CASQ2: variants seen among roughly 807,000 people sequenced by gnomAD.
CASQ2 encodes calsequestrin-2.
Under a neutral mutation model 46.5 loss-of-function variants are expected in CASQ2, and 49 were observed. That is an observed-to-expected ratio of 1.05 (90% CI 0.84 to 1.34). The LOEUF (loss-of-function observed/expected upper bound fraction) is 1.34, where lower values mean the gene tolerates loss of function less well. CASQ2 is among the 40% of genes most tolerant of loss of function. The probability of loss-of-function intolerance (pLI) is 0.00; values close to 1 mark genes in which losing one functional copy is unlikely to be tolerated. For synonymous variants in CASQ2, 174 were observed against 168.5 expected, an observed-to-expected ratio of 1.03 and a Z score of -0.25; for missense variants, 486 against 481.3, an observed-to-expected ratio of 1.01 and a Z score of -0.09.
chr1:115,749,934 A>G (rs896871282), intron 1 of CASQ2, among the ~76,000 whole-genome samples: 2 of 152,162 alleles, frequency 1.3e-5, no homozygotes, highest in African/African-American at 2.4e-5. Flanking sequence ...GGAACTCAAA[A>G]AGCCCCTCAC....
chr1:115,725,616 A>T, intron 6 of CASQ2, 63 bp from the exon 7 acceptor site: 2 of 1,558,394 alleles, frequency 1.3e-6, no homozygotes, highest in Non-Finnish European at 1.7e-6. Context: ...ACTGTGGCAG[A>T]CACAGCAGCC....
chr1:115,740,022 C>T (rs1046545390), intron 3 of CASQ2, among the ~76,000 whole-genome samples: 27 of 152,112 alleles, frequency 1.8e-4, no homozygotes, highest in Admixed American at 1.3e-4. Flanking sequence ...CACTTCTGAC[C>T]TTCCCTCTGG....
At chr1:115,707,137 C>A (rs1654392005) in intron 8 of CASQ2, among the ~76,000 whole-genome samples, 1 of 152,130 alleles carries the variant, frequency 6.6e-6, no homozygotes, top group African/African-American at 2.4e-5. Flanking sequence ...CTGTGTCAGC[C>A]TCACAAGTAG....
intron 7 of CASQ2, 76 bp downstream of exon 7, chr1:115,725,432 G>GACTT: frequency 2.6e-6 from 4 of 1,537,744 alleles, no homozygotes; most frequent in Non-Finnish European, 3.6e-6. Flanking sequence ...TGAGTTTGGG[G>GACTT]ACTTAATCTA....
intron 8 of CASQ2, among the ~76,000 whole-genome samples, chr1:115,713,642 C>T (rs1216398531): frequency 6.6e-6 from 1 of 152,212 alleles, no homozygotes; most frequent in Non-Finnish European, 1.5e-5. Context: ...CCTGGACAGA[C>T]AGTGGGAGGA....
intron 1 of CASQ2, among the ~76,000 whole-genome samples, chr1:115,750,158 A>G (rs561362721): frequency 4.6e-5 from 7 of 152,348 alleles, no homozygotes; most frequent in Non-Finnish European, 4.4e-5. Context: ...AGGAGTTAGA[A>G]GCACTTGTCA....
At chr1:115,702,788 G>C (rs1654246837) in intron 10 of CASQ2, 133 bp downstream of exon 10, 2 of 738,358 alleles carry the variant, frequency 2.7e-6, no homozygotes, top group Non-Finnish European at 4.7e-6. Flanking sequence ...ACACTGGCAA[G>C]TTTCCTTGAG....
intron 1 of CASQ2, among the ~76,000 whole-genome samples, chr1:115,755,799 G>A (rs918940881): frequency 6.6e-6 from 1 of 152,218 alleles, no homozygotes; most frequent in East Asian, 1.9e-4. Context: ...TATGAGGAGC[G>A]TACTGTGGCT....
In CASQ2 at chr1:115,702,964, A is replaced by G. The variant is rs369403991; in HGVS notation, c.971T>C (p.Ile324Thr). Residue 324 changes from isoleucine to threonine, a missense_variant, in exon 10 of 11, where the codon ATT becomes ACT. Physicochemically the swap from Ile to Thr is moderately conservative, Grantham distance 89. Coordinates refer to ENST00000261448, the MANE Select transcript of CASQ2 (RefSeq NM_001232.4). ...LVAYWEKTFKIDLFRPQIGVV... is the reference protein window; with the variant it reads ...LVAYWEKTFKTDLFRPQIGVV... ...CCCAATCTGTGGCCTGAATAGGTCAATCTTGAAAGTCTTCTCCCAGTAGGC... is the reference window on the plus strand; with the variant it reads ...CCCAATCTGTGGCCTGAATAGGTCAGTCTTGAAAGTCTTCTCCCAGTAGGC... 18 of 1,613,534 alleles carry G rather than the reference A, an allele frequency of 1.1e-5. No individual in the cohort carries two copies. The South Asian group carries it at 1.5e-4, about 14-fold the overall frequency.
intron 2 of CASQ2, 29 bp downstream of exon 2, chr1:115,744,799 A>AC (rs779072361): frequency 6.7e-7 from 1 of 1,482,126 alleles, no homozygotes; most frequent in South Asian, 1.1e-5. Context: ...TTTCTTTCCC[A>AC]CATACAGTAT....
intron 1 of CASQ2, among the ~76,000 whole-genome samples, chr1:115,756,460 T>C (rs1648763319): frequency 6.6e-6 from 1 of 152,184 alleles, no homozygotes; most frequent in Non-Finnish European, 1.5e-5. Context: ...CTGACAATTA[T>C]GCAAAAATAC....
chr1:115,720,276 C>T (rs9428204), intron 7 of CASQ2, among the ~76,000 whole-genome samples: 5,664 of 152,178 alleles, frequency 0.037, 350 homozygotes, highest in African/African-American at 0.13. Context: ...GCGAGGCCTG[C>T]TTTCTGGCTC....
intron 4 of CASQ2, among the ~76,000 whole-genome samples, chr1:115,735,340 T>A (rs967938108): frequency 1.1e-4 from 16 of 152,204 alleles, no homozygotes; most frequent in African/African-American, 2.7e-4. Context: ...GCGCAAGAAT[T>A]TTACAGAGTT....
At chr1:115,730,572 A>G (rs933012055) in intron 5 of CASQ2, among the ~76,000 whole-genome samples, 29 of 152,176 alleles carry the variant, frequency 1.9e-4, no homozygotes, top group African/African-American at 5.6e-4. Flanking sequence ...CTTTTAGAAA[A>G]TAGAACTCAT....
chr1:115,765,361 A>G (rs1649101762), intron 1 of CASQ2, among the ~76,000 whole-genome samples: 1 of 152,096 alleles, frequency 6.6e-6, no homozygotes, highest in African/African-American at 2.4e-5. Flanking sequence ...GGCTTTTTTC[A>G]TTGACATCCC....
chr1:115,760,042 T>C (rs1370314935), intron 1 of CASQ2, among the ~76,000 whole-genome samples: 1 of 152,204 alleles, frequency 6.6e-6, no homozygotes, highest in Admixed American at 6.5e-5. Context: ...TAGTCACTGA[T>C]TGTGTGAGTG....
intron 9 of CASQ2, among the ~76,000 whole-genome samples, chr1:115,704,582 A>G (rs1279285609): frequency 6.6e-6 from 1 of 152,236 alleles, no homozygotes. Flanking sequence ...CCAGGGTTCA[A>G]TACATGTAGT....
intron 8 of CASQ2, among the ~76,000 whole-genome samples, chr1:115,716,249 C>A (rs1654697326): frequency 6.6e-6 from 1 of 152,216 alleles, no homozygotes; most frequent in African/African-American, 2.4e-5. Flanking sequence ...AATTTTCCTG[C>A]ACTTCACTCT....
At chr1:115,703,386 A>G (rs1241015267) in intron 9 of CASQ2, among the ~76,000 whole-genome samples, 1 of 152,190 alleles carries the variant, frequency 6.6e-6, no homozygotes, top group African/African-American at 2.4e-5. Context: ...GATGGGTCAT[A>G]AGTTGCCAAG....
Sources: gnomAD v4.1 joint callset for allele counts (sites outside exome capture counted in the v4.1 genomes callset) on GRCh38, gnomAD v4.1.1 for gene constraint, MANE v1.5 for transcripts, NCBI Gene and HGNC (gene_info 2026-07-23, HGNC 2026-07-21) for gene names.